Variants in ZFHX4 observed in about 807,000 individuals in gnomAD.
The protein encoded by ZFHX4 is zinc finger homeobox protein 4.
ZFHX4 carries 56 observed loss-of-function variants against 267.6 expected under a neutral mutation model. The observed-to-expected ratio is 0.21, with a 90% CI of 0.17 to 0.26. The LOEUF (loss-of-function observed/expected upper bound fraction) is 0.26. Ranked by LOEUF, ZFHX4 falls within the 10% of genes least tolerant of loss-of-function variation. The pLI is 1.00. For synonymous variants in ZFHX4, 1,778 were observed against 1,665.6 expected, an observed-to-expected ratio of 1.07 and a Z score of -1.64; for missense variants, 4,332 against 4,420.0, an observed-to-expected ratio of 0.98 and a Z score of 0.56.
chr8:76,791,751 T>G (rs936759755), intron 4 of ZFHX4, among the ~76,000 whole-genome samples: 3 of 152,176 alleles, frequency 2.0e-5, no homozygotes, highest in Non-Finnish European at 2.9e-5. Context: ...AAGTGAAGGT[T>G]GTAGCATAAA....
intron 3 of ZFHX4, among the ~76,000 whole-genome samples, chr8:76,724,643 A>T (rs1159907791): frequency 2.0e-5 from 3 of 152,142 alleles, no homozygotes; most frequent in Non-Finnish European, 4.4e-5. Context: ...AAGTTGGTTT[A>T]AAATACTCAA....
At chr8:76,838,432 C>T (rs1812147284) in intron 5 of ZFHX4, among the ~76,000 whole-genome samples, 1 of 152,066 alleles carries the variant, frequency 6.6e-6, no homozygotes, top group African/African-American at 2.4e-5. Context: ...GACATAATCT[C>T]GCTATGTACA....
intron 5 of ZFHX4, among the ~76,000 whole-genome samples, chr8:76,834,918 T>C (rs1437315757): frequency 6.6e-6 from 1 of 151,756 alleles, no homozygotes; most frequent in African/African-American, 2.4e-5. Flanking sequence ...AGTGAATGTT[T>C]CTGAAGGATA....
chr8:76,685,866 A>G (rs1488286903), intron 1 of ZFHX4, among the ~76,000 whole-genome samples: 1 of 152,212 alleles, frequency 6.6e-6, no homozygotes, highest in Non-Finnish European at 1.5e-5. Flanking sequence ...TGAATGACTT[A>G]GCTGATCTAT....
chr8:76,785,347 G>A (rs1810658501), intron 4 of ZFHX4, among the ~76,000 whole-genome samples: 1 of 152,076 alleles, frequency 6.6e-6, no homozygotes, highest in African/African-American at 2.4e-5. Flanking sequence ...GTCTACAGAA[G>A]CTAAAGTAGC....
chr8:76,738,132 G>T (rs1809213764), intron 3 of ZFHX4, among the ~76,000 whole-genome samples: 1 of 152,142 alleles, frequency 6.6e-6, no homozygotes. Flanking sequence ...GGCACTTGAG[G>T]TTATTTTTAG....
Position 76,708,047 on chromosome 8 carries a change from A to C in ZFHX4, c.3092A>C (p.Lys1031Thr), listed in dbSNP as rs1808327649. The change falls in exon 3 of 11, where the codon AAG becomes ACG. Residue 1031 changes from lysine (K) to threonine (T), a missense_variant and splice_region_variant. Around this residue, in one of 7 missense-constraint regions of ZFHX4, gnomAD observed 1,371 missense variants for 1,423.1 expected, o/e 0.96. Transcript: ENST00000651372. ...HRHEAALKLY[K>T]HLQKQEGAVN... ...CACGAGGCGGCCCTGAAGCTCTACA[A>C]GGTAAGCAGTGACATCCATTTCCGT... 1 of 1,612,890 alleles carries C rather than the reference A, an allele frequency of 6.2e-7. No homozygotes were observed. Among genetic ancestry groups the C allele is most frequent in the African/African-American group, 1.3e-5 (1 of 74,914 alleles).
At position 76,833,323 on chromosome 8, in the gene ZFHX4, T is replaced by C; in HGVS notation, c.3326-15T>C. 6.2e-6 allele frequency: 10 copies of C among 1,607,852 alleles called. No individual in the cohort carries two copies. Among genetic ancestry groups the C allele is most frequent in the Non-Finnish European group, 8.5e-6 (10 of 1,176,490 alleles). Reference sequence around the variant, plus strand: ...ATGGCATGCTGATTACCTTTCACTCTGATGTCTTCTGCAGAAACTGCCTCA... The same window carrying C: ...ATGGCATGCTGATTACCTTTCACTCCGATGTCTTCTGCAGAAACTGCCTCA... On this transcript the variant is annotated splice_polypyrimidine_tract_variant and intron_variant, in intron 4 of 10. Transcript: ENST00000651372.
chr8:76,796,609 G>A (rs575385954), intron 4 of ZFHX4, among the ~76,000 whole-genome samples: 6 of 152,244 alleles, frequency 3.9e-5, no homozygotes, highest in Admixed American at 2.6e-4. Flanking sequence ...CAAATATACC[G>A]TAATACTTCA....
At chr8:76,757,623 C>G (rs1159746994) in intron 3 of ZFHX4, among the ~76,000 whole-genome samples, 1 of 152,204 alleles carries the variant, frequency 6.6e-6, no homozygotes, top group African/African-American at 2.4e-5. Context: ...ACCGCTCTCC[C>G]TTGGTTGCAA....
chr8:76,856,317 A>G lies in ZFHX4; in HGVS notation c.9379+17A>G. ...ATTCAAACAGTAAGTCATTTAAAGG[A>G]GACTCAGTCTAGTTAATTAAGTAGC... On this transcript the variant is annotated intron_variant, in intron 10 of 10. Coordinates refer to ENST00000651372, the MANE Select transcript of ZFHX4 (RefSeq NM_024721.5). 1.2e-6 allele frequency: 2 copies of G among 1,612,930 alleles called. No individual in the cohort carries two copies. The highest frequency in any genetic ancestry group is 1.7e-6 in the Non-Finnish European group (2 of 1,179,468).
chr8:76,844,130 T>C (rs1325851113), intron 6 of ZFHX4, among the ~76,000 whole-genome samples: 1 of 152,162 alleles, frequency 6.6e-6, no homozygotes, highest in Non-Finnish European at 1.5e-5. Flanking sequence ...TAGTGATAAG[T>C]TAATATGAAA....
At chr8:76,743,973 C>T (rs1477868270) in intron 3 of ZFHX4, among the ~76,000 whole-genome samples, 1 of 152,142 alleles carries the variant, frequency 6.6e-6, no homozygotes, top group Non-Finnish European at 1.5e-5. Context: ...ATAGCTTAAC[C>T]ACTTCATTGT....
rs923379132 is a variant in ZFHX4, at chr8:76,705,541, G to C, written c.1453G>C (p.Glu485Gln). The change falls in exon 2 of 11, where the codon GAG (glutamate) becomes CAG (glutamine). Residue 485 changes from glutamate to glutamine, a missense_variant. Glu to Gln is a conservative substitution (Grantham distance 29). Around this residue, in one of 7 missense-constraint regions of ZFHX4, gnomAD observed 1,195 missense variants for 1,173.6 expected, o/e 1.02. Coordinates refer to ENST00000651372, the MANE Select transcript of ZFHX4 (RefSeq NM_024721.5). ...TGCGTACTCCAATGAACTTGATGAC[G>C]AGGAAGTATTAGGTGAACTCACCGA... is the stretch of plus-strand genomic sequence containing the variant. Reference protein sequence around the residue: ...EDAYSNELDDEEVLGELTDSI... With the variant: ...EDAYSNELDDQEVLGELTDSI... The C allele has an allele frequency of 1.2e-6, 2 of 1,613,552 alleles. No individual in the cohort carries two copies. The highest frequency in any genetic ancestry group is 1.7e-5 in the Admixed American group (1 of 59,914).
At chr8:76,780,634 A>G (rs138808800) in intron 4 of ZFHX4, among the ~76,000 whole-genome samples, 282 of 152,324 alleles carry the variant, frequency 1.9e-3, no homozygotes, top group South Asian at 0.018. Flanking sequence ...AATTCTAAAG[A>G]CATGTAGAAC....
chr8:76,773,714 CT>C (rs1810329387), intron 3 of ZFHX4, among the ~76,000 whole-genome samples: 1 of 152,090 alleles, frequency 6.6e-6, no homozygotes, highest in African/African-American at 2.4e-5. Context: ...CTCTAGAAAA[CT>C]TGGACTTTCT....
intron 4 of ZFHX4, 126 bp downstream of exon 4, chr8:76,778,565 A>G (rs1810465700): frequency 2.6e-6 from 2 of 762,582 alleles, no homozygotes; most frequent in Non-Finnish European, 4.4e-6. Flanking sequence ...CCAGTGTAAA[A>G]CACGGCAGCT....
chr8:76,749,375 G>A (rs1164578157), intron 3 of ZFHX4, among the ~76,000 whole-genome samples: 1 of 152,128 alleles, frequency 6.6e-6, no homozygotes, highest in African/African-American at 2.4e-5. Context: ...TTTCATGCAG[G>A]ACCAAGTAAC....
At chr8:76,708,359 AT>A (rs561971571) in intron 3 of ZFHX4, 20,442 of 222,364 alleles carry the variant, frequency 0.092, 10 homozygotes, top group South Asian at 0.16. Context: ...AAACCTATTG[AT>A]TTTTTTTTTT....
Sources: gnomAD v4.1 joint callset for allele counts (sites outside exome capture counted in the v4.1 genomes callset) on GRCh38, gnomAD v4.1.1 for gene constraint, gnomAD v4.1.1 regional missense constraint, MANE v1.5 for transcripts, NCBI Gene and HGNC (gene_info 2026-07-23, HGNC 2026-07-21) for gene names.